SNTN: variants seen among roughly 807,000 people sequenced by gnomAD.
SNTN encodes sentan, cilia apical structure protein.
SNTN carries 13 observed loss-of-function variants against 12.3 expected under a neutral mutation model. The observed-to-expected ratio is 1.05, with a 90% CI of 0.69 to 1.67. The LOEUF is 1.67. SNTN is among the 40% of genes most tolerant of loss of function. The pLI is 0.00. For missense variants in SNTN, 189 were observed against 169.8 expected, an observed-to-expected ratio of 1.11 and a Z score of -0.63; for synonymous variants, 69 against 58.5, an observed-to-expected ratio of 1.18 and a Z score of -0.82.
intron 2 of SNTN, among the ~76,000 whole-genome samples, chr3:63,659,114 CTG>C (rs1179457929): frequency 6.6e-6 from 1 of 152,180 alleles, no homozygotes; most frequent in Non-Finnish European, 1.5e-5. Flanking sequence ...GTACATTTCC[CTG>C]TGTTCACAGC....
chr3:63,657,733 A>G (rs997939631), intron 2 of SNTN, among the ~76,000 whole-genome samples: 2 of 152,206 alleles, frequency 1.3e-5, no homozygotes, highest in African/African-American at 4.8e-5. Context: ...AAATATCTGG[A>G]TTCCACAATC....
At chr3:63,659,582 C>T in intron 2 of SNTN, 143 bp from the exon 3 acceptor site, 1 of 841,718 alleles carries the variant, frequency 1.2e-6, no homozygotes, top group East Asian at 2.5e-5. Flanking sequence ...GGATTGGAAA[C>T]TCCCACATCC....
intron 2 of SNTN, among the ~76,000 whole-genome samples, chr3:63,656,098 C>G (rs1471497385): frequency 6.6e-6 from 1 of 152,186 alleles, no homozygotes; most frequent in East Asian, 1.9e-4. Context: ...ACAAAAATAA[C>G]TGATATTAGG....
intron 3 of SNTN, among the ~76,000 whole-genome samples, chr3:63,660,285 T>C (rs1700729736): frequency 6.6e-6 from 1 of 151,866 alleles, no homozygotes; most frequent in African/African-American, 2.4e-5. Flanking sequence ...TGAGAAGGGA[T>C]GGGACGGTAG....
At chr3:63,657,268 T>C (rs766641589) in intron 2 of SNTN, among the ~76,000 whole-genome samples, 2 of 152,178 alleles carry the variant, frequency 1.3e-5, no homozygotes, top group African/African-American at 2.4e-5. Context: ...GAAATCGGCC[T>C]GGCTTAATGT....
chr3:63,660,002 C>A, intron 3 of SNTN, 138 bp downstream of exon 3: 1 of 973,404 alleles, frequency 1.0e-6, no homozygotes, highest in Non-Finnish European at 1.5e-6. Context: ...TTATGCCAGG[C>A]AGTGAGCTGC....
intron 1 of SNTN, 106 bp from the exon 2 acceptor site, chr3:63,654,656 T>C (rs763546753): frequency 5.0e-6 from 5 of 1,001,804 alleles, no homozygotes; most frequent in Non-Finnish European, 7.4e-6. Flanking sequence ...TCAGAGAATG[T>C]TTACCAAAAT....
At chr3:63,661,660 T>C (rs564053235) in intron 3 of SNTN, among the ~76,000 whole-genome samples, 1 of 152,044 alleles carries the variant, frequency 6.6e-6, no homozygotes, top group Admixed American at 6.6e-5. Flanking sequence ...TTTTCTGATT[T>C]TTTTTTTTTG....
intron 2 of SNTN, among the ~76,000 whole-genome samples, chr3:63,656,956 T>C (rs1700685613): frequency 6.6e-6 from 1 of 152,158 alleles, no homozygotes; most frequent in Non-Finnish European, 1.5e-5. Context: ...TACTAAGACA[T>C]ACCTCATCGG....
In SNTN at chr3:63,664,125, G is replaced by A; in HGVS notation, c.*30G>A. On this transcript the variant is annotated 3_prime_UTR_variant, in exon 4 of 4. Coordinates refer to ENST00000343837, the MANE Select transcript of SNTN (RefSeq NM_001080537.2). ...TTTTAAATATGCTGTATAAAATAATGGCAAAAGACAGTGTTATTAAAATGT... is the reference window on the plus strand; with the variant it reads ...TTTTAAATATGCTGTATAAAATAATAGCAAAAGACAGTGTTATTAAAATGT... 6.5e-7 allele frequency: 1 copy of A among 1,532,134 alleles called. No homozygotes were observed. Among genetic ancestry groups the A allele is most frequent in the East Asian group, 2.3e-5 (1 of 42,918 alleles). 94.9% of individuals were successfully genotyped at this position (1,532,134 alleles called of 1,614,324 possible). A position where few individuals can be genotyped will look rare whatever the true frequency, so the allele number is the denominator to read the frequency against.
At chr3:63,653,316 C>A (rs544600837) in intron 1 of SNTN, among the ~76,000 whole-genome samples, 10 of 151,824 alleles carry the variant, frequency 6.6e-5, no homozygotes, top group Non-Finnish European at 1.0e-4. Context: ...CCCTTGAGAC[C>A]CTTCTCAATC....
chr3:63,662,167 T>C (rs1441212411), intron 3 of SNTN, among the ~76,000 whole-genome samples: 1 of 152,186 alleles, frequency 6.6e-6, no homozygotes, highest in Admixed American at 6.5e-5. Context: ...GTCAGAATGC[T>C]GCCTTGGCCC....
intron 2 of SNTN, among the ~76,000 whole-genome samples, chr3:63,657,531 G>A (rs1700693532): frequency 6.6e-6 from 1 of 152,212 alleles, no homozygotes; most frequent in Non-Finnish European, 1.5e-5. Flanking sequence ...AGAACAACCA[G>A]AGTTCCTCGT....
Position 63,665,014 on chromosome 3 carries a change from A to G in SNTN, c.*919A>G, listed in dbSNP as rs1322316634. On this transcript the variant is annotated 3_prime_UTR_variant, in exon 4 of 4. Coordinates refer to ENST00000343837, the MANE Select transcript of SNTN (RefSeq NM_001080537.2). ...CAGGTGATCCGCCCACAGCCTCCCA[A>G]AGTGCTGGGATTACAGGCTTGAGCC... Among the ~76,000 whole-genome samples, 1 of 152,034 alleles carries G rather than the reference A, an allele frequency of 6.6e-6. No homozygotes were observed. Among genetic ancestry groups the G allele is most frequent in the African/African-American group, 2.4e-5 (1 of 41,384 alleles).
chr3:63,657,543 A>T (rs1460720302), intron 2 of SNTN, among the ~76,000 whole-genome samples: 1 of 152,206 alleles, frequency 6.6e-6, no homozygotes, highest in East Asian at 1.9e-4. Flanking sequence ...GTTCCTCGTT[A>T]TCTTTTATTT....
chr3:63,663,984 T>G lies in SNTN; in HGVS notation c.333T>G (p.Asp111Glu), dbSNP rs569296932. 10 of 1,613,914 alleles carry G rather than the reference T, an allele frequency of 6.2e-6. No homozygotes were observed. The highest frequency in any genetic ancestry group is 5.3e-5 in the African/African-American group (4 of 74,942). The change falls in exon 4 of 4, where the codon GAT becomes GAG. Residue 111 changes from aspartate to glutamate, a missense_variant. Coordinates refer to ENST00000343837, the MANE Select transcript of SNTN (RefSeq NM_001080537.2). ...PKYREILSEL[D>E]EHTENKLDFE... ...ACAGAGAGATCCTTTCTGAACTTGA[T>G]GAGCACACAGAAAATAAGCTAGATT... is the stretch of plus-strand genomic sequence containing the variant.
At chr3:63,655,189 T>G (rs1172130446) in intron 2 of SNTN, among the ~76,000 whole-genome samples, 4 of 152,182 alleles carry the variant, frequency 2.6e-5, no homozygotes, top group African/African-American at 9.7e-5. Context: ...CTCTGTTGAC[T>G]GAGTGGAAAC....
chr3:63,661,656 G>T (rs912198771), intron 3 of SNTN, among the ~76,000 whole-genome samples: 5 of 146,172 alleles, frequency 3.4e-5, no homozygotes, highest in Non-Finnish European at 7.7e-5. Flanking sequence ...GTATTTTTCT[G>T]ATTTTTTTTT....
chr3:63,659,080 T>C (rs973413175), intron 2 of SNTN, among the ~76,000 whole-genome samples: 3 of 152,252 alleles, frequency 2.0e-5, no homozygotes, highest in African/African-American at 7.2e-5. Flanking sequence ...ACACAAAGCA[T>C]ACGAATTTTC....
Sources: allele counts gnomAD v4.1 joint callset (sites outside exome capture counted in the v4.1 genomes callset), GRCh38; gene constraint gnomAD v4.1.1; transcripts MANE v1.5; gene names NCBI Gene and HGNC (gene_info 2026-07-23, HGNC 2026-07-21).